RAB8B: variants seen among roughly 807,000 people sequenced by gnomAD.
RAB8B encodes RAB8B, member RAS oncogene family.
RAB8B carries 11 observed loss-of-function variants against 32.0 expected under a neutral mutation model. The observed-to-expected ratio is 0.34, with a 90% CI of 0.22 to 0.57. The LOEUF (loss-of-function observed/expected upper bound fraction) is 0.57. Ranked by LOEUF, RAB8B falls within the 20% of genes least tolerant of loss-of-function variation. The pLI is 0.86. For missense variants in RAB8B, 190 were observed against 258.5 expected (o/e 0.73, Z 1.82); for synonymous variants, 103 against 89.6 (o/e 1.15, Z -0.85).
Position 63,226,431 on chromosome 15 carries a change from A to G in RAB8B, c.125-18325A>G, listed in dbSNP as rs561337525. On this transcript the variant is annotated intron_variant, in intron 1 of 7. Transcript: ENST00000321437. The stretch of plus-strand genomic sequence containing the variant: ...GACTTCAGTATCATAATCTCCAAAT[A>G]TGGACTTCAGCCTTCAACTTTGAGT... 5.9e-5 allele frequency among the ~76,000 whole-genome samples: 9 copies of G among 152,302 alleles called. 1 individual carries two copies. The South Asian group carries it at 1.7e-3, about 28-fold the overall frequency.
At chr15:63,193,672 G>T (rs147754045) in intron 1 of RAB8B, among the ~76,000 whole-genome samples, 1 of 152,010 alleles carries the variant, frequency 6.6e-6, no homozygotes, top group African/African-American at 2.4e-5. Flanking sequence ...TTAGCCGGGG[G>T]TGGCAGCGGG....
chr15:63,244,952 T>C (rs986322451), intron 2 of RAB8B, 136 bp downstream of exon 2: 27 of 730,718 alleles, frequency 3.7e-5, no homozygotes, highest in Admixed American at 1.6e-4. Flanking sequence ...GGGAAATAAG[T>C]AAGCACTGGG....
chr15:63,231,310 A>G (rs1482340219), intron 1 of RAB8B, among the ~76,000 whole-genome samples: 2 of 152,166 alleles, frequency 1.3e-5, no homozygotes, highest in South Asian at 2.1e-4. Flanking sequence ...TTACCTCTAA[A>G]TGAATGGAAA....
At chr15:63,199,336 C>T (rs770187467) in intron 1 of RAB8B, among the ~76,000 whole-genome samples, 1 of 152,152 alleles carries the variant, frequency 6.6e-6, no homozygotes, top group African/African-American at 2.4e-5. Context: ...CCTTTGACTT[C>T]GATTTTTCTC....
At chr15:63,197,394 G>C (rs1438637617) in intron 1 of RAB8B, among the ~76,000 whole-genome samples, 6 of 45,368 alleles carry the variant, frequency 1.3e-4, no homozygotes, top group African/African-American at 5.8e-4. Context: ...TTTTTTTTAA[G>C]ACAGAGTCTT....
At chr15:63,236,580 C>G (rs1021879622) in intron 1 of RAB8B, among the ~76,000 whole-genome samples, 2 of 151,706 alleles carry the variant, frequency 1.3e-5, no homozygotes, top group Non-Finnish European at 2.9e-5. Flanking sequence ...AAATGATGTT[C>G]TCAAAAAGAC....
intron 1 of RAB8B, among the ~76,000 whole-genome samples, chr15:63,202,258 A>G (rs1413721491): frequency 6.7e-6 from 1 of 150,106 alleles, no homozygotes; most frequent in Non-Finnish European, 1.5e-5. Flanking sequence ...AGCCAGGGCG[A>G]CAGAGCGAGA....
intron 1 of RAB8B, among the ~76,000 whole-genome samples, chr15:63,214,649 C>T (rs1028938648): frequency 6.6e-6 from 1 of 152,140 alleles, no homozygotes; most frequent in Non-Finnish European, 1.5e-5. Context: ...GTTTCTAACA[C>T]TTCACAAAGC....
At chr15:63,202,289 A>AAAG (rs1555421162) in intron 1 of RAB8B, among the ~76,000 whole-genome samples, 1 of 149,182 alleles carries the variant, frequency 6.7e-6, no homozygotes, top group African/African-American at 2.5e-5. Context: ...AAAAGAAAAA[A>AAAG]GAAAAAAAAG....
rs1299711257 is a variant in RAB8B, at chr15:63,212,263, T to C, written c.124+22515T>C. 3.3e-5 allele frequency among the ~76,000 whole-genome samples: 5 copies of C among 152,256 alleles called. No homozygotes were observed. In the South Asian group the frequency reaches 1.0e-3, roughly 32 times the overall value. The stretch of plus-strand genomic sequence containing the variant: ...CAAAAAACAAACAACGAAAACTTGA[T>C]ATCCAGGTTGTTCTTGGATAGGTCA... On this transcript the variant is annotated intron_variant, in intron 1 of 7. Transcript: ENST00000321437.
At chr15:63,230,567 G>A (rs1008236517) in intron 1 of RAB8B, among the ~76,000 whole-genome samples, 1 of 152,226 alleles carries the variant, frequency 6.6e-6, no homozygotes, top group Non-Finnish European at 1.5e-5. Context: ...TTCCCAAAAT[G>A]CTGGGATTAC....
chr15:63,260,206 C>T (rs1269733959), intron 6 of RAB8B, among the ~76,000 whole-genome samples: 1 of 152,192 alleles, frequency 6.6e-6, no homozygotes, highest in Non-Finnish European at 1.5e-5. Flanking sequence ...TATTAGCTTG[C>T]TCAGTTAAGA....
chr15:63,203,489 A>G (rs2037669831), intron 1 of RAB8B, among the ~76,000 whole-genome samples: 1 of 152,220 alleles, frequency 6.6e-6, no homozygotes, highest in Admixed American at 6.5e-5. Context: ...AGCACACACA[A>G]AAAGTGTGTA....
At chr15:63,201,368 G>A (rs1376845104) in intron 1 of RAB8B, among the ~76,000 whole-genome samples, 1 of 152,192 alleles carries the variant, frequency 6.6e-6, no homozygotes, top group East Asian at 1.9e-4. Flanking sequence ...TAGAATGGAA[G>A]AGAGTAAGGA....
chr15:63,242,463 G>A lies in RAB8B; in HGVS notation c.125-2293G>A, dbSNP rs142756381. 1.8e-4 allele frequency among the ~76,000 whole-genome samples: 28 copies of A among 152,138 alleles called. No individual in the cohort carries two copies. The East Asian group carries it at 5.2e-3, about 28-fold the overall frequency. ...GCCGAGGCGGGTGGATCACGAGGTC[G>A]GTCAGGAGATTGAGACCACCCTGGC... On this transcript the variant is annotated intron_variant, in intron 1 of 7. Coordinates refer to ENST00000321437, the MANE Select transcript of RAB8B (RefSeq NM_016530.3).
At chr15:63,260,688 A>G (rs998708074) in intron 6 of RAB8B, among the ~76,000 whole-genome samples, 1 of 152,008 alleles carries the variant, frequency 6.6e-6, no homozygotes, top group African/African-American at 2.4e-5. Flanking sequence ...GTGTAAAAAA[A>G]AAAAATAATA....
intron 1 of RAB8B, among the ~76,000 whole-genome samples, chr15:63,223,462 A>C (rs76973576): frequency 0.026 from 3,896 of 152,272 alleles, 154 homozygotes; most frequent in East Asian, 0.18. Flanking sequence ...CTATGTTTAG[A>C]TATGTTTAAA....
chr15:63,262,000 A>AACTGTTGGGATTTTGGAGT (rs2038207005), intron 6 of RAB8B, among the ~76,000 whole-genome samples: 1 of 152,200 alleles, frequency 6.6e-6, no homozygotes, highest in Admixed American at 6.5e-5. Flanking sequence ...GAGCTCCAGG[A>AACTGTTGGGATTTTGGAGT]ACTGTTGGGA....
At chr15:63,217,327 T>C (rs997737209) in intron 1 of RAB8B, among the ~76,000 whole-genome samples, 7 of 152,252 alleles carry the variant, frequency 4.6e-5, no homozygotes, top group African/African-American at 7.2e-5. Context: ...TTTAAAAATA[T>C]TGAATGGAAT....
Sources: allele counts gnomAD v4.1 joint callset (sites outside exome capture counted in the v4.1 genomes callset), GRCh38; gene constraint gnomAD v4.1.1; transcripts MANE v1.5; gene names NCBI Gene and HGNC (gene_info 2026-07-23, HGNC 2026-07-21).